The following TRAK1 variants were observed in gnomAD, a reference collection of about 807,000 sequenced individuals.
TRAK1 encodes the protein trafficking kinesin protein 1, also known as trafficking kinesin-binding protein 1.
In TRAK1, 33 loss-of-function variants were observed where a neutral mutation model predicts 92.1. The observed-to-expected ratio is 0.36, with a 90% confidence interval of 0.27 to 0.48. TRAK1 has a LOEUF of 0.48. Ranked by LOEUF, TRAK1 falls within the 20% of genes least tolerant of loss-of-function variation. The pLI is 0.99. For missense variants in TRAK1, 1,123 were observed against 1,257.9 expected (o/e 0.89, Z 1.62); for synonymous variants, 521 against 517.3 (o/e 1.01, Z -0.10).
At chr3:42,063,763 TG>T (rs1703554182) in intron 1 of TRAK1, among the ~76,000 whole-genome samples, 1 of 152,102 alleles carries the variant, frequency 6.6e-6, no homozygotes, top group Non-Finnish European at 1.5e-5. Flanking sequence ...TGTGCCTTAT[TG>T]TCTGCTCTCT....
upstream of TRAK1, chr3:42,091,256 C>G (rs1329513356): frequency 1.9e-6 from 1 of 532,958 alleles, no homozygotes; most frequent in African/African-American, 2.0e-5. Context: ...GGTGGCTTAA[C>G]AAGATGAGCT....
chr3:42,118,028 C>T (rs1244295075), intron 1 of TRAK1, among the ~76,000 whole-genome samples: 1 of 151,960 alleles, frequency 6.6e-6, no homozygotes, highest in African/African-American at 2.4e-5. Context: ...CCATGTTGGC[C>T]AAGATGGTCT....
At chr3:42,062,788 G>A (rs1703504283) in intron 1 of TRAK1, among the ~76,000 whole-genome samples, 1 of 152,212 alleles carries the variant, frequency 6.6e-6, no homozygotes, top group Non-Finnish European at 1.5e-5. Flanking sequence ...TTGGAAAACA[G>A]TGCCTGACAC....
At chr3:42,061,293 A>AC (rs1471353803) in intron 1 of TRAK1, among the ~76,000 whole-genome samples, 5 of 94,058 alleles carry the variant, frequency 5.3e-5, no homozygotes, top group East Asian at 3.6e-4. Flanking sequence ...CCACACACGC[A>AC]CCCCCCCATG....
chr3:42,202,794 G>GA lies in TRAK1; in HGVS notation c.1744+43dup. 1 of 1,607,556 alleles carries GA rather than the reference G, an allele frequency of 6.2e-7. No homozygotes were observed. The highest frequency in any genetic ancestry group is 8.5e-7 in the Non-Finnish European group (1 of 1,175,526). On this transcript the variant is annotated intron_variant, in intron 13 of 15. Transcript: ENST00000327628. The surrounding 1 kb of genome is among the most constrained non-coding windows in gnomAD (Gnocchi z 6.1). ...TCGGCCCCTCTCTGTCCTCCTGGGGGACTCCCTTTGGTCCCTGATCCACCT... is the reference window on the plus strand; with the variant it reads ...TCGGCCCCTCTCTGTCCTCCTGGGGGAACTCCCTTTGGTCCCTGATCCACCT...
chr3:42,203,115 T>G (rs1576994907), intron 13 of TRAK1: 1 of 1,230,198 alleles, frequency 8.1e-7, no homozygotes, highest in Non-Finnish European at 1.0e-6. Context: ...TGCCTGTGGG[T>G]GTGAGGAATG....
In TRAK1 at chr3:42,224,466, T is replaced by A. The variant is rs1559413943; in HGVS notation, c.*729T>A. On this transcript the variant is annotated 3_prime_UTR_variant, in exon 16 of 16. Transcript: ENST00000327628. The stretch of plus-strand genomic sequence containing the variant: ...TCATGCTGCGTTGTTCAGCAGCCCC[T>A]CTGTGTTCTGTGTGATTTGTTTTAT... 1 of 177,200 alleles carries A rather than the reference T, an allele frequency of 5.6e-6. No homozygotes were observed. The highest frequency in any genetic ancestry group is 2.5e-5 in the African/African-American group (1 of 40,208). The allele number at this position is 177,200 out of a possible 1,614,324, so 11.0% of individuals were successfully genotyped here. A position where few individuals can be genotyped will look rare whatever the true frequency, so the allele number is the denominator to read the frequency against.
Position 42,223,813 on chromosome 3 carries a change from C to G in TRAK1, c.*76C>G, listed in dbSNP as rs1037829852. On this transcript the variant is annotated 3_prime_UTR_variant, in exon 16 of 16. Transcript: ENST00000327628. This position sits in a 1 kb window ranked among gnomAD's most constrained non-coding sequence, Gnocchi z 6.1. ...TGCTCCCACCTCCCTCTCTTCCCCC[C>G]ACAGTGCACTCCCTCCCTCTGCCCT... 11 of 1,480,520 alleles carry G rather than the reference C, an allele frequency of 7.4e-6. No homozygotes were observed. The highest frequency in any genetic ancestry group is 2.3e-5 in the East Asian group (1 of 43,608). 91.7% of individuals were successfully genotyped at this position (1,480,520 alleles called of 1,614,324 possible).
chr3:42,162,150 C>T (rs1701343597), intron 2 of TRAK1, among the ~76,000 whole-genome samples: 3 of 152,034 alleles, frequency 2.0e-5, no homozygotes. Context: ...AAATACCAGT[C>T]ATTGAACTGT....
chr3:42,014,233 G>T (rs971141332), intron 1 of TRAK1: 1 of 152,492 alleles, frequency 6.6e-6, no homozygotes, highest in Admixed American at 6.5e-5. Flanking sequence ...GAGGCCGGGC[G>T]CCGGGACCCT....
chr3:42,091,414 GCT>G lies in TRAK1; in HGVS notation c.-52_-51del. The G allele has an allele frequency of 6.5e-7, 1 of 1,544,780 alleles. No homozygotes were observed. The highest frequency in any genetic ancestry group is 1.1e-5 in the South Asian group (1 of 87,542). The stretch of plus-strand genomic sequence containing the variant: ...CTGTGCGAGGTACTGCCGGGGCTGA[GCT>G]CTCATGGAGGCTCTCTCTGTTCTCT... On this transcript the variant is annotated 5_prime_UTR_variant, in exon 1 of 16. Coordinates refer to ENST00000327628, the MANE Select transcript of TRAK1 (RefSeq NM_001042646.3).
chr3:42,189,669 T>C (rs888450939), intron 6 of TRAK1, among the ~76,000 whole-genome samples: 2 of 152,168 alleles, frequency 1.3e-5, no homozygotes, highest in African/African-American at 4.8e-5. Context: ...TAGCTGGGAC[T>C]ACAGACGCAT....
At chr3:42,102,730 A>G (rs985988424) in intron 1 of TRAK1, among the ~76,000 whole-genome samples, 3 of 152,064 alleles carry the variant, frequency 2.0e-5, no homozygotes, top group African/African-American at 4.8e-5. Flanking sequence ...GAGCCATTCC[A>G]CATTGATTTA....
Position 42,211,706 on chromosome 3 carries a change from A to T in TRAK1, c.1963+1721A>T, listed in dbSNP as rs1422399999. ...CTAAAGCTTATCAAGTCAACAAAGAACTTACCTTGGAGGATAGAGAGAGAG... is the reference window on the plus strand; with the variant it reads ...CTAAAGCTTATCAAGTCAACAAAGATCTTACCTTGGAGGATAGAGAGAGAG... On this transcript the variant is annotated intron_variant, in intron 14 of 15. Coordinates refer to ENST00000327628, the MANE Select transcript of TRAK1 (RefSeq NM_001042646.3). The T allele has an allele frequency of 5.1e-6, 5 of 985,430 alleles. No individual in the cohort carries two copies. In the East Asian group the frequency reaches 4.5e-4, roughly 90 times the overall value. 61.0% of individuals were successfully genotyped at this position (985,430 alleles called of 1,614,324 possible).
intron 2 of TRAK1, among the ~76,000 whole-genome samples, chr3:42,154,007 G>A (rs1256035051): frequency 1.3e-5 from 2 of 152,130 alleles, no homozygotes; most frequent in Admixed American, 6.5e-5. Flanking sequence ...GTTTTATAAT[G>A]TAACTGTTTT....
chr3:42,223,370 G>C lies in TRAK1; in HGVS notation c.2495G>C (p.Ser832Thr). The C allele has an allele frequency of 6.2e-7, 1 of 1,614,242 alleles. No individual in the cohort carries two copies. Among genetic ancestry groups the C allele is most frequent in the Non-Finnish European group, 8.5e-7 (1 of 1,180,044 alleles). The change falls in exon 16 of 16, where the codon AGC becomes ACC. Residue 832 changes from serine (S) to threonine (T), a missense_variant. Physicochemically the swap from Ser to Thr is moderately conservative, Grantham distance 58. Transcript: ENST00000327628. This position sits in a 1 kb window ranked among gnomAD's most constrained non-coding sequence, Gnocchi z 6.1. The stretch of plus-strand genomic sequence containing the variant: ...GAAAAGAACGTCCGCAGCAGCGAGA[G>C]CCAGACCGACGTGTCCGTCTCCAAC... ...VREKNVRSSESQTDVSVSNLN... is the reference protein window; with the variant it reads ...VREKNVRSSETQTDVSVSNLN...
intron 2 of TRAK1, among the ~76,000 whole-genome samples, chr3:42,154,578 A>G (rs148267269): frequency 5.1e-4 from 77 of 152,186 alleles, no homozygotes; most frequent in African/African-American, 1.8e-3. Flanking sequence ...TCCTGGGCTC[A>G]AGTGATCCTC....
chr3:42,108,936 A>G (rs1453171240), intron 1 of TRAK1, among the ~76,000 whole-genome samples: 2 of 152,212 alleles, frequency 1.3e-5, no homozygotes, highest in African/African-American at 4.8e-5. Context: ...AAGTTGGGCT[A>G]GGAGAAAATT....
At chr3:42,206,591 G>T (rs987452691) in intron 13 of TRAK1, among the ~76,000 whole-genome samples, 2 of 152,188 alleles carry the variant, frequency 1.3e-5, no homozygotes, top group African/African-American at 4.8e-5. Flanking sequence ...CAGGGATAAC[G>T]TGAAGATTAA....
Sources: allele counts gnomAD v4.1 joint callset (sites outside exome capture counted in the v4.1 genomes callset), GRCh38; gene constraint gnomAD v4.1.1; non-coding constraint Gnocchi (gnomAD v3.1); transcripts MANE v1.5; gene names NCBI Gene and HGNC (gene_info 2026-07-23, HGNC 2026-07-21).